Variants in RILPL1 observed in about 807,000 individuals in gnomAD.
RILPL1 encodes Rab interacting lysosomal protein like 1.
Under a neutral mutation model 50.3 loss-of-function variants are expected in RILPL1, and 33 were observed. That is an observed-to-expected ratio of 0.66 (90% CI 0.50 to 0.88). The LOEUF is 0.88. Among genes scored for constraint, RILPL1 ranks in the 40% least tolerant of loss-of-function variants. The pLI is 0.00. For synonymous variants in RILPL1, 205 were observed against 228.6 expected (o/e 0.90, Z 0.93); for missense variants, 418 against 542.5 (o/e 0.77, Z 2.28).
At position 123,522,882 on chromosome 12, in the gene RILPL1, T is replaced by C. The variant is rs537096108; in HGVS notation, c.460+613A>G. 6.6e-6 allele frequency among the ~76,000 whole-genome samples: 1 copy of C among 152,316 alleles called. No homozygotes were observed. Among genetic ancestry groups the C allele is most frequent in the South Asian group, 2.1e-4 (1 of 4,826 alleles). ...TGCTGGGATCACAGGTGTGAGCCACTGCGCGCGGCCTACACCGGCCTTCTT... is the reference window on the plus strand; with the variant it reads ...TGCTGGGATCACAGGTGTGAGCCACCGCGCGCGGCCTACACCGGCCTTCTT... On this transcript the variant is annotated intron_variant, in intron 2 of 6. Transcript: ENST00000376874. This position sits in a 1 kb window ranked among gnomAD's most constrained non-coding sequence, Gnocchi z 4.0.
In RILPL1 at chr12:123,485,897, C is replaced by T. The variant is rs1882301865; in HGVS notation, c.802-92G>A. On this transcript the variant is annotated intron_variant, in intron 4 of 6. Coordinates refer to ENST00000376874, the MANE Select transcript of RILPL1 (RefSeq NM_178314.5). This position sits in a 1 kb window ranked among gnomAD's most constrained non-coding sequence, Gnocchi z 4.0. ...GAAGGAGCCCAAATTCTCCCCCTCC[C>T]GGGGTGCCAGCAGCCTGTGGAGGGT... 6.7e-6 allele frequency: 9 copies of T among 1,339,020 alleles called. No homozygotes were observed. Among genetic ancestry groups the T allele is most frequent in the African/African-American group, 1.5e-5 (1 of 66,616 alleles). 82.9% of individuals were successfully genotyped at this position (1,339,020 alleles called of 1,614,324 possible).
chr12:123,518,298 G>A, intron 2 of RILPL1: 1 of 404,966 alleles, frequency 2.5e-6, no homozygotes, highest in Non-Finnish European at 4.9e-6. Context: ...GAGGCCGGGA[G>A]TTTCAGACCA....
At chr12:123,503,670 A>C (rs1883548831) in intron 2 of RILPL1, among the ~76,000 whole-genome samples, 1 of 152,026 alleles carries the variant, frequency 6.6e-6, no homozygotes, top group South Asian at 2.1e-4. Flanking sequence ...CTGTGATTAC[A>C]TTCTGGGCTC....
intron 2 of RILPL1, among the ~76,000 whole-genome samples, chr12:123,511,920 C>G (rs1300064777): frequency 1.9e-4 from 12 of 63,062 alleles, no homozygotes; most frequent in Non-Finnish European, 3.0e-4. Flanking sequence ...AGGTCTGTGT[C>G]TGTGTGTGGT....
intron 6 of RILPL1, among the ~76,000 whole-genome samples, chr12:123,483,478 A>T (rs1245860175): frequency 2.6e-5 from 4 of 152,352 alleles, no homozygotes; most frequent in African/African-American, 9.6e-5. Context: ...ACAAAACCAG[A>T]GGTGTTAACC....
rs1441034031 is a variant in RILPL1, at chr12:123,485,650, C to G, written c.957G>C (p.Glu319Asp). The change falls in exon 5 of 7, where the codon GAG (glutamate) becomes GAC (aspartate). Residue 319 changes from glutamate to aspartate, a missense_variant. Transcript: ENST00000376874. This position sits in a 1 kb window ranked among gnomAD's most constrained non-coding sequence, Gnocchi z 4.0. ...ACACTTGCCTCTTATAGTAAGCCAGCTCCTCCTGCAGCAAGAACACCTTGG... is the reference window on the plus strand; with the variant it reads ...ACACTTGCCTCTTATAGTAAGCCAGGTCCTCCTGCAGCAAGAACACCTTGG... Reference protein sequence around the residue: ...LKSKVFLLQEELAYYKSEEME... With the variant: ...LKSKVFLLQEDLAYYKSEEME... The G allele has an allele frequency of 5.0e-6, 8 of 1,613,656 alleles. No homozygotes were observed. The highest frequency in any genetic ancestry group is 6.8e-6 in the Non-Finnish European group (8 of 1,179,774).
At chr12:123,512,091 T>G in intron 2 of RILPL1, among the ~76,000 whole-genome samples, 1 of 132,040 alleles carries the variant, frequency 7.6e-6, no homozygotes, top group Non-Finnish European at 1.6e-5. Context: ...GTGTGGTGTG[T>G]GTGAGGTCTG....
chr12:123,470,633 A>G lies in RILPL1; in HGVS notation c.*1905T>C, dbSNP rs1881146230. The G allele has an allele frequency of 6.6e-6, 1 of 151,954 alleles. No individual in the cohort carries two copies. The highest frequency in any genetic ancestry group is 2.4e-5 in the African/African-American group (1 of 41,308). 9.4% of individuals were successfully genotyped at this position (151,954 alleles called of 1,614,324 possible). A position where few individuals can be genotyped will look rare whatever the true frequency, so the allele number is the denominator to read the frequency against. Reference sequence around the variant, plus strand: ...ACCCCGTCTTTACTAAAAATACAAAAATTAGTCAGGTATGGTGGCACACAC... The same window carrying G: ...ACCCCGTCTTTACTAAAAATACAAAGATTAGTCAGGTATGGTGGCACACAC... On this transcript the variant is annotated 3_prime_UTR_variant, in exon 7 of 7. Coordinates refer to ENST00000376874, the MANE Select transcript of RILPL1 (RefSeq NM_178314.5).
intron 4 of RILPL1, among the ~76,000 whole-genome samples, chr12:123,494,184 C>T (rs1882882611): frequency 6.6e-6 from 1 of 152,200 alleles, no homozygotes; most frequent in Admixed American, 6.5e-5. Context: ...GCTCATTCCC[C>T]TCACTTGTCA....
chr12:123,493,252 T>C (rs993267850), intron 4 of RILPL1, among the ~76,000 whole-genome samples: 7 of 152,230 alleles, frequency 4.6e-5, no homozygotes, highest in African/African-American at 9.6e-5. Context: ...TTTATGTGTA[T>C]GCATATCTAA....
At chr12:123,511,912 G>A (rs1342626422) in intron 2 of RILPL1, among the ~76,000 whole-genome samples, 2 of 120,934 alleles carry the variant, frequency 1.7e-5, no homozygotes, top group Admixed American at 8.9e-5. Flanking sequence ...TATGTGTGAG[G>A]TCTGTGTCTG....
At chr12:123,490,728 G>GCCCGCCC in intron 4 of RILPL1, among the ~76,000 whole-genome samples, 1 of 140,418 alleles carries the variant, frequency 7.1e-6, no homozygotes, top group South Asian at 2.4e-4. Context: ...GTGAGCCATT[G>GCCCGCCC]TGTCTGGCCC....
intron 2 of RILPL1, among the ~76,000 whole-genome samples, chr12:123,502,912 G>C (rs1593568429): frequency 6.6e-6 from 1 of 151,904 alleles, no homozygotes; most frequent in East Asian, 1.9e-4. Context: ...TTTTGAGACA[G>C]AGTCTCACTG....
chr12:123,475,509 G>A, intron 6 of RILPL1: 1 of 638,654 alleles, frequency 1.6e-6, no homozygotes, highest in South Asian at 1.7e-5. Flanking sequence ...TGGCACAGCT[G>A]AAATCACACT....
chr12:123,477,586 G>A (rs996361002), intron 6 of RILPL1, among the ~76,000 whole-genome samples: 1 of 152,022 alleles, frequency 6.6e-6, no homozygotes, highest in South Asian at 2.1e-4. Flanking sequence ...TGATCCACCC[G>A]CCTTGGCCTC....
At chr12:123,494,450 G>A (rs1323230983) in intron 4 of RILPL1, among the ~76,000 whole-genome samples, 1 of 152,208 alleles carries the variant, frequency 6.6e-6, no homozygotes, top group African/African-American at 2.4e-5. Context: ...CTGCCAGACA[G>A]GGAAGCTGAA....
At chr12:123,529,905 A>C (rs1040226663) in intron 1 of RILPL1, among the ~76,000 whole-genome samples, 8 of 150,592 alleles carry the variant, frequency 5.3e-5, no homozygotes, top group Middle Eastern at 3.4e-3. Context: ...AAAAATCTCT[A>C]TCTCTTCCTC....
intron 2 of RILPL1, among the ~76,000 whole-genome samples, chr12:123,502,272 A>G (rs1285842644): frequency 6.6e-6 from 1 of 152,216 alleles, no homozygotes; most frequent in Non-Finnish European, 1.5e-5. Context: ...GATCAATAAC[A>G]AGGGTGACTG....
At chr12:123,513,955 G>C (rs1164307844) in intron 2 of RILPL1, 2 of 152,226 alleles carry the variant, frequency 1.3e-5, no homozygotes, top group Non-Finnish European at 2.9e-5. Context: ...TGTCCAGGCA[G>C]TGGGACACCA....
Sources: gnomAD v4.1 joint callset for allele counts (sites outside exome capture counted in the v4.1 genomes callset) on GRCh38, gnomAD v4.1.1 for gene constraint, Gnocchi (gnomAD v3.1) non-coding constraint, MANE v1.5 for transcripts, NCBI Gene and HGNC (gene_info 2026-07-23, HGNC 2026-07-21) for gene names.